Variants in RALYL observed in about 807,000 individuals in gnomAD.
RALYL encodes RALY RNA binding protein like, also known as RNA-binding Raly-like protein.
In RALYL, 29 loss-of-function variants were observed where a neutral mutation model predicts 35.1. The observed-to-expected ratio is 0.83, with a 90% confidence interval of 0.61 to 1.13. RALYL has a LOEUF of 1.13. RALYL is among the 50% of genes most tolerant of loss of function. The probability of loss-of-function intolerance (pLI) is 0.00; values close to 1 mark genes in which losing one functional copy is unlikely to be tolerated. For missense variants in RALYL, 359 were observed against 360.4 expected, an observed-to-expected ratio of 1.00 and a Z score of 0.03; for synonymous variants, 120 against 127.6, an observed-to-expected ratio of 0.94 and a Z score of 0.40.
At chr8:84,349,503 C>T (rs1165623445) in intron 1 of RALYL, among the ~76,000 whole-genome samples, 1 of 150,178 alleles carries the variant, frequency 6.7e-6, no homozygotes, top group African/African-American at 2.5e-5. Flanking sequence ...TGTCCCCTGC[C>T]TACCACACTG....
intron 1 of RALYL, among the ~76,000 whole-genome samples, chr8:84,371,565 AC>A (rs1230232122): frequency 6.6e-6 from 1 of 151,524 alleles, no homozygotes; most frequent in Non-Finnish European, 1.5e-5. Context: ...ACACACACAC[AC>A]ACACACAGAA....
chr8:84,255,265 A>G (rs1831001755), intron 1 of RALYL, among the ~76,000 whole-genome samples: 1 of 152,180 alleles, frequency 6.6e-6, no homozygotes. Flanking sequence ...TTCTTATAGT[A>G]AGAGTTACCA....
intron 1 of RALYL, among the ~76,000 whole-genome samples, chr8:84,240,441 A>C (rs1827604694): frequency 6.6e-6 from 1 of 152,190 alleles, no homozygotes; most frequent in African/African-American, 2.4e-5. Flanking sequence ...ATATTTATTG[A>C]ATGCCTATTA....
At chr8:84,422,238 T>C (rs1587051690) in intron 1 of RALYL, among the ~76,000 whole-genome samples, 1 of 121,208 alleles carries the variant, frequency 8.3e-6, no homozygotes, top group Non-Finnish European at 1.7e-5. Flanking sequence ...CTGTTATTGG[T>C]CTATTCAGAG....
chr8:84,402,255 T>C (rs1010586234), intron 1 of RALYL, among the ~76,000 whole-genome samples: 1 of 152,176 alleles, frequency 6.6e-6, no homozygotes, highest in African/African-American at 2.4e-5. Context: ...ATAGCAAATA[T>C]GCTACCTAAG....
chr8:84,486,239 C>A (rs1373414881), intron 1 of RALYL, among the ~76,000 whole-genome samples: 3 of 149,268 alleles, frequency 2.0e-5, no homozygotes, highest in Admixed American at 6.7e-5. Context: ...GGAAATAAAC[C>A]AAAACAATAT....
At chr8:84,313,338 T>G (rs1029311816) in intron 1 of RALYL, among the ~76,000 whole-genome samples, 5 of 152,230 alleles carry the variant, frequency 3.3e-5, no homozygotes, top group Non-Finnish European at 7.3e-5. Context: ...TTGTCTTGGC[T>G]ATTAAATTTG....
intron 3 of RALYL, among the ~76,000 whole-genome samples, chr8:84,774,961 A>AT (rs937688211): frequency 5.3e-5 from 8 of 151,730 alleles, no homozygotes; most frequent in Non-Finnish European, 1.5e-5. Context: ...ATTTTATTTT[A>AT]TTTTTTGAGA....
At chr8:84,653,171 T>G (rs1190979301) in intron 2 of RALYL, among the ~76,000 whole-genome samples, 3 of 152,072 alleles carry the variant, frequency 2.0e-5, no homozygotes, top group Non-Finnish European at 4.4e-5. Context: ...AATTTGTCCC[T>G]GGGTAAGATT....
chr8:84,421,109 T>C (rs1210298444), intron 1 of RALYL, among the ~76,000 whole-genome samples: 6 of 138,328 alleles, frequency 4.3e-5, no homozygotes, highest in East Asian at 2.1e-4. Context: ...TTGATGGGGA[T>C]GGCATTGAAT....
intron 8 of RALYL, among the ~76,000 whole-genome samples, chr8:84,914,246 C>A (rs1208732226): frequency 6.6e-6 from 1 of 151,956 alleles, no homozygotes; most frequent in African/African-American, 2.4e-5. Flanking sequence ...CAGCACTTGG[C>A]TTTTCGCACT....
At chr8:84,219,015 T>G (rs1415646094) in intron 1 of RALYL, among the ~76,000 whole-genome samples, 1 of 152,042 alleles carries the variant, frequency 6.6e-6, no homozygotes, top group Non-Finnish European at 1.5e-5. Context: ...GCTATAAAAT[T>G]TAGTGCCCTC....
chr8:84,336,855 A>C (rs1563753368), intron 1 of RALYL, among the ~76,000 whole-genome samples: 1 of 152,020 alleles, frequency 6.6e-6, no homozygotes, highest in East Asian at 1.9e-4. Context: ...GTAGTGGAGC[A>C]GAAATGATGC....
chr8:84,880,769 A>C (rs996362558), intron 7 of RALYL, among the ~76,000 whole-genome samples: 21 of 151,984 alleles, frequency 1.4e-4, no homozygotes, highest in Admixed American at 4.6e-4. Context: ...GGACATTTTC[A>C]TCCCCCTAAA....
At chr8:84,814,348 G>A (rs1388487654) in intron 4 of RALYL, among the ~76,000 whole-genome samples, 2 of 152,024 alleles carry the variant, frequency 1.3e-5, no homozygotes, top group East Asian at 3.9e-4. Context: ...ATTATAATGG[G>A]GAAAGATAAA....
intron 1 of RALYL, among the ~76,000 whole-genome samples, chr8:84,329,968 C>T (rs1414642104): frequency 6.6e-6 from 1 of 151,756 alleles, no homozygotes; most frequent in Non-Finnish European, 1.5e-5. Context: ...ATAGTTAAAA[C>T]ATGAAAGACA....
intron 2 of RALYL, among the ~76,000 whole-genome samples, chr8:84,621,125 G>C (rs909541132): frequency 2.5e-4 from 38 of 152,118 alleles, no homozygotes; most frequent in African/African-American, 8.9e-4. Context: ...CACCCAGTTC[G>C]AGCTTCCTGG....
At chr8:84,799,493 TA>T (rs1822701599) in intron 3 of RALYL, among the ~76,000 whole-genome samples, 1 of 152,126 alleles carries the variant, frequency 6.6e-6, no homozygotes, top group Admixed American at 6.5e-5. Context: ...ACTGTGAAAA[TA>T]AGAATTGAGA....
At chr8:84,372,568 T>C (rs1256453917) in intron 1 of RALYL, among the ~76,000 whole-genome samples, 1 of 151,820 alleles carries the variant, frequency 6.6e-6, no homozygotes, top group African/African-American at 2.4e-5. Flanking sequence ...GGATACCTTG[T>C]CTCTTAAAAA....
Sources: gnomAD v4.1 joint callset for allele counts (sites outside exome capture counted in the v4.1 genomes callset) on GRCh38, gnomAD v4.1.1 for gene constraint, MANE v1.5 for transcripts, NCBI Gene and HGNC (gene_info 2026-07-23, HGNC 2026-07-21) for gene names.